The following NF1 variants were observed in gnomAD, a reference collection of about 807,000 sequenced individuals.
NF1 encodes the protein neurofibromin 1.
A neutral mutation model predicts 325.7 loss-of-function variants in NF1; 122 were observed. The ratio of observed to expected loss-of-function variants is 0.37; its 90% CI spans 0.32 to 0.44. The LOEUF (loss-of-function observed/expected upper bound fraction) is 0.44. Among genes scored for constraint, NF1 ranks in the 20% least tolerant of loss-of-function variants. The pLI, the probability that NF1 is intolerant of heterozygous loss-of-function variation, is 1.00. For missense variants in NF1, 2,140 were observed against 3,415.4 expected (o/e 0.63, Z 9.31); for synonymous variants, 1,091 against 1,186.0 (o/e 0.92, Z 1.65).
intron 36 of NF1, among the ~76,000 whole-genome samples, chr17:31,282,060 G>GA (rs113453118): frequency 0.023 from 3,208 of 137,890 alleles, 87 homozygotes; most frequent in African/African-American, 0.064. Context: ...ACCCTGTCTG[G>GA]AAAAAAAAAA....
intron 8 of NF1, among the ~76,000 whole-genome samples, chr17:31,195,442 A>G (rs891768820): frequency 9.2e-5 from 14 of 152,172 alleles, no homozygotes; most frequent in African/African-American, 3.1e-4. Context: ...CATACAGTTT[A>G]GTAGCACTAT....
At chr17:31,282,740 G>A (rs559790620) in intron 36 of NF1, among the ~76,000 whole-genome samples, 1 of 152,070 alleles carries the variant, frequency 6.6e-6, no homozygotes, top group Non-Finnish European at 1.5e-5. Flanking sequence ...ATATATAAGC[G>A]TTTGTGTGGA....
chr17:31,095,380 C>G lies in NF1; in HGVS notation c.60+11C>G, dbSNP rs565515877. On this transcript the variant is annotated intron_variant, in intron 1 of 57. Transcript: ENST00000358273. The stretch of plus-strand genomic sequence containing the variant: ...CGCTTCGACGAGCAGGTAACCGGCC[C>G]GTGGCGGGCGGGAGGTGGGAGCGGA... 2.6e-6 allele frequency: 4 copies of G among 1,538,436 alleles called. No homozygotes were observed.
chr17:31,309,074 A>G (rs1342900344), intron 36 of NF1, among the ~76,000 whole-genome samples: 18 of 152,198 alleles, frequency 1.2e-4, no homozygotes, highest in Admixed American at 1.0e-3. Context: ...TTATTTACAG[A>G]TAAAGAGACA....
At chr17:31,210,428 C>CA (rs1017065252) in intron 12 of NF1, among the ~76,000 whole-genome samples, 13 of 151,904 alleles carry the variant, frequency 8.6e-5, no homozygotes, top group African/African-American at 3.1e-4. Context: ...ACTAAAAATG[C>CA]AAAAAAATTA....
intron 36 of NF1, among the ~76,000 whole-genome samples, chr17:31,269,137 T>TCTC (rs748011122): frequency 6.6e-6 from 1 of 152,266 alleles, no homozygotes; most frequent in South Asian, 2.1e-4. Flanking sequence ...GTAGCATTAT[T>TCTC]CTCCTCCTCC....
chr17:31,317,368 AAC>A (rs3138611), intron 36 of NF1, among the ~76,000 whole-genome samples: 14,877 of 144,500 alleles, frequency 0.1, 935 homozygotes, highest in African/African-American at 0.19. Flanking sequence ...TCCAGATTTG[AAC>A]ACACACACAC....
At chr17:31,178,321 G>C (rs2066061490) in intron 5 of NF1, among the ~76,000 whole-genome samples, 1 of 152,208 alleles carries the variant, frequency 6.6e-6, no homozygotes, top group African/African-American at 2.4e-5. Flanking sequence ...CAAATGCTGA[G>C]AGATTTTGTC....
intron 1 of NF1, among the ~76,000 whole-genome samples, chr17:31,101,926 T>C (rs1912375940): frequency 6.6e-6 from 1 of 152,206 alleles, no homozygotes; most frequent in Non-Finnish European, 1.5e-5. Flanking sequence ...GCTATTTGAA[T>C]TCTCTTCTAG....
intron 57 of NF1, among the ~76,000 whole-genome samples, chr17:31,368,359 C>G (rs1448155752): frequency 6.6e-6 from 1 of 152,078 alleles, no homozygotes; most frequent in Non-Finnish European, 1.5e-5. Context: ...AGGCTGGTCT[C>G]GAACTCCTGA....
rs551584160 is a variant in NF1, at chr17:31,342,006, A to G, written c.7063-1003A>G. Among the ~76,000 whole-genome samples the G allele has an allele frequency of 2.6e-4, 39 of 152,324 alleles. No homozygotes were observed. In the South Asian group the frequency reaches 3.9e-3, roughly 15 times the overall value. On this transcript the variant is annotated intron_variant, in intron 47 of 57. Transcript: ENST00000358273. Reference sequence around the variant, plus strand: ...ATTATGGTTTTAAGTGTAAAAAGATACTTGGTCTAAACATTATTAGTTCAG... The same window carrying G: ...ATTATGGTTTTAAGTGTAAAAAGATGCTTGGTCTAAACATTATTAGTTCAG...
chr17:31,184,141 C>T (rs1468079528), intron 8 of NF1, among the ~76,000 whole-genome samples: 1 of 152,116 alleles, frequency 6.6e-6, no homozygotes, highest in Non-Finnish European at 1.5e-5. Flanking sequence ...ATTAAGGACT[C>T]TACTTCTAAT....
At chr17:31,241,640 A>G (rs542580228) in intron 29 of NF1, among the ~76,000 whole-genome samples, 2 of 152,336 alleles carry the variant, frequency 1.3e-5, no homozygotes, top group Admixed American at 6.5e-5. Context: ...AAGAAAACTA[A>G]TAAAAACTCT....
At position 31,181,415 on chromosome 17, in the gene NF1, T is replaced by C; in HGVS notation, c.587-7T>C. 1 of 1,612,716 alleles carries C rather than the reference T, an allele frequency of 6.2e-7. No homozygotes were observed. The highest frequency in any genetic ancestry group is 8.5e-7 in the Non-Finnish European group (1 of 1,179,180). On this transcript the variant is annotated splice_polypyrimidine_tract_variant and splice_region_variant and intron_variant, in intron 5 of 57. Transcript: ENST00000358273. ...GAGTTAATTTTTAAAAATTGTGTTT[T>C]TTCCAGAAACAGCATTTAAATTTAA...
In NF1 at chr17:31,225,139, A is replaced by G. The variant is rs2144026306; in HGVS notation, c.1890A>G (p.Val630=). ...SSCHFLLFYG[V]GCDIPSSGNT... ...GTCACTTTCTCCTTTTTTACGGGGT[A>G]GGATGTGATATTCCTTCTAGTGGAA... The change falls in exon 17 of 58, where the codon GTA becomes GTG. Residue 630 remains valine (V), a synonymous_variant. Coordinates refer to ENST00000358273, the MANE Select transcript of NF1 (RefSeq NM_001042492.3). 6.2e-7 allele frequency: 1 copy of G among 1,613,746 alleles called. No homozygotes were observed. The highest frequency in any genetic ancestry group is 1.1e-5 in the South Asian group (1 of 91,072).
rs750506307 is a variant in NF1, at chr17:31,318,418, G to A, written c.4836-7402G>A. On this transcript the variant is annotated intron_variant, in intron 36 of 57. Transcript: ENST00000358273. ...TAGGTTGGGTCCTGTGAGCTGTTTTGTTCTTTTCCAAGTGTCTGATTCAGC... is the reference window on the plus strand; with the variant it reads ...TAGGTTGGGTCCTGTGAGCTGTTTTATTCTTTTCCAAGTGTCTGATTCAGC... 13 of 1,613,826 alleles carry A rather than the reference G, an allele frequency of 8.1e-6. No individual in the cohort carries two copies. Among genetic ancestry groups the A allele is most frequent in the Admixed American group, 1.7e-5 (1 of 59,892 alleles).
At position 31,327,739 on chromosome 17, in the gene NF1, G is replaced by A. The variant is rs771597781; in HGVS notation, c.5509G>A (p.Asp1837Asn). ...IRTRWELSQP[D>N]SIPQHTKIRP... ...GACCCGCTGGGAACTGTCACAGCCCGACTCTATCCCCCAACACACCAAGAT... is the reference window on the plus strand; with the variant it reads ...GACCCGCTGGGAACTGTCACAGCCCAACTCTATCCCCCAACACACCAAGAT... The change falls in exon 38 of 58, where the codon GAC (aspartate) becomes AAC (asparagine). Residue 1837 changes from aspartate (D) to asparagine (N), a missense_variant. Physicochemically the swap from Asp to Asn is conservative, Grantham distance 23. This residue lies in a region of NF1 where 147 missense variants were observed against 186.7 expected (regional missense o/e 0.79). Transcript: ENST00000358273. 2 of 1,614,028 alleles carry A rather than the reference G, an allele frequency of 1.2e-6. No individual in the cohort carries two copies. The highest frequency in any genetic ancestry group is 1.7e-6 in the Non-Finnish European group (2 of 1,179,986).
intron 36 of NF1, among the ~76,000 whole-genome samples, chr17:31,294,350 A>C (rs1478515972): frequency 6.6e-6 from 1 of 152,206 alleles, no homozygotes; most frequent in African/African-American, 2.4e-5. Flanking sequence ...TGCAAAGCCT[A>C]GTGTCTTCTA....
At chr17:31,172,395 C>T (rs1013143311) in intron 5 of NF1, among the ~76,000 whole-genome samples, 1 of 151,480 alleles carries the variant, frequency 6.6e-6, no homozygotes. Flanking sequence ...CTCGATATAC[C>T]TATCTGTATA....
Sources: gnomAD v4.1 joint callset for allele counts (sites outside exome capture counted in the v4.1 genomes callset) on GRCh38, gnomAD v4.1.1 for gene constraint, gnomAD v4.1.1 regional missense constraint, MANE v1.5 for transcripts, NCBI Gene and HGNC (gene_info 2026-07-23, HGNC 2026-07-21) for gene names.